Variants in DCBLD2 observed in about 807,000 individuals in gnomAD.
DCBLD2 encodes discoidin, CUB and LCCL domain containing 2.
In DCBLD2, 54 loss-of-function variants were observed where a neutral mutation model predicts 86.8. The observed-to-expected ratio is 0.62, with a 90% CI of 0.50 to 0.78. DCBLD2 has a LOEUF of 0.78. Among genes scored for constraint, DCBLD2 ranks in the 30% least tolerant of loss-of-function variants. DCBLD2 has a pLI of 0.00. For synonymous variants in DCBLD2, 354 were observed against 341.3 expected (o/e 1.04, Z -0.41); for missense variants, 908 against 954.2 (o/e 0.95, Z 0.64).
intron 12 of DCBLD2, among the ~76,000 whole-genome samples, chr3:98,808,595 AAT>A (rs1238300389): frequency 1.3e-5 from 2 of 152,220 alleles, no homozygotes; most frequent in African/African-American, 4.8e-5. Flanking sequence ...GTAACCATTA[AAT>A]ATGTTAACTT....
Position 98,812,442 on chromosome 3 carries a change from T to C in DCBLD2, c.1253A>G (p.Asn418Ser). The C allele has an allele frequency of 6.2e-7, 1 of 1,613,414 alleles. No homozygotes were observed. The highest frequency in any genetic ancestry group is 8.5e-7 in the Non-Finnish European group (1 of 1,179,594). ...TGCAATAATTGGTGGCAAAAAGTTA[T>C]TACGCACATCCTGGTGATAATCTTT... Reference protein sequence around the residue: ...GNKDYHQDVRNNFLPPIIARF... With the variant: ...GNKDYHQDVRSNFLPPIIARF... The change falls in exon 10 of 16, where the codon AAT (asparagine) becomes AGT (serine). Residue 418 changes from asparagine (N) to serine (S), a missense_variant. Physicochemically the swap from Asn to Ser is conservative, Grantham distance 46. Around this residue, in one of 3 missense-constraint regions of DCBLD2, gnomAD observed 606 missense variants for 678.5 expected, o/e 0.89. Transcript: ENST00000326840.
chr3:98,866,644 C>T (rs1943151561), intron 2 of DCBLD2, among the ~76,000 whole-genome samples: 1 of 152,112 alleles, frequency 6.6e-6, no homozygotes, highest in Non-Finnish European at 1.5e-5. Context: ...AATTTTCTCC[C>T]ATTCTGTAGG....
chr3:98,835,579 C>G (rs1286120856), intron 3 of DCBLD2, among the ~76,000 whole-genome samples: 1 of 137,236 alleles, frequency 7.3e-6, no homozygotes, highest in Non-Finnish European at 1.6e-5. Flanking sequence ...GACAGAGTTT[C>G]TTTTTTGTTG....
At position 98,796,019 on chromosome 3, in the gene DCBLD2, A is replaced by G. The variant is rs1005264094; in HGVS notation, c.*3353T>C. On this transcript the variant is annotated 3_prime_UTR_variant, in exon 16 of 16. Transcript: ENST00000326840. ...CCTCAAGGTTGTTTTATTTAAACCA[A>G]ATAATCTGAGCAAGACATATATACA... The G allele has an allele frequency of 1.3e-5, 2 of 152,646 alleles. No individual in the cohort carries two copies. The highest frequency in any genetic ancestry group is 2.4e-5 in the African/African-American group (1 of 41,462). 9.5% of individuals were successfully genotyped at this position (152,646 alleles called of 1,614,324 possible).
chr3:98,860,520 G>T (rs1017364569), intron 2 of DCBLD2, among the ~76,000 whole-genome samples: 1 of 152,210 alleles, frequency 6.6e-6, no homozygotes, highest in Non-Finnish European at 1.5e-5. Context: ...ACTAACAGCA[G>T]ATCTTTCAGG....
At chr3:98,877,813 A>G (rs1943396709) in intron 2 of DCBLD2, among the ~76,000 whole-genome samples, 1 of 152,136 alleles carries the variant, frequency 6.6e-6, no homozygotes, top group African/African-American at 2.4e-5. Context: ...GCCAGAATAT[A>G]AAGAGGTACT....
intron 9 of DCBLD2, chr3:98,813,101 T>C (rs1363513529): frequency 1.3e-5 from 2 of 152,240 alleles, no homozygotes; most frequent in Non-Finnish European, 2.9e-5. Flanking sequence ...AAATTATTAA[T>C]TATTTTTAGA....
chr3:98,870,758 A>AAAAGAAAGAAAGAAAGG lies in DCBLD2; in HGVS notation c.433+10781_433+10782insCCTTTCTTTCTTTCTTT, dbSNP rs1559794504. On this transcript the variant is annotated intron_variant, in intron 2 of 15. Coordinates refer to ENST00000326840, the MANE Select transcript of DCBLD2 (RefSeq NM_080927.4). The stretch of plus-strand genomic sequence containing the variant: ...AAGAAAAAGAAAGAAAGAAAGAAAG[A>AAAAGAAAGAAAGAAAGG]AAGAAAGAAAGAAAGAAAGAAAGAA... Among the ~76,000 whole-genome samples, 9 of 52,508 alleles carry AAAAGAAAGAAAGAAAGG rather than the reference A, an allele frequency of 1.7e-4. No individual in the cohort carries two copies. In the South Asian group the frequency reaches 3.0e-3, roughly 18 times the overall value. The allele number at this position is 52,508 out of a possible 152,430, so 34.4% of individuals were successfully genotyped here.
rs559865036 is a variant in DCBLD2, at chr3:98,810,392, T to C, written c.1576+802A>G. On this transcript the variant is annotated intron_variant, in intron 12 of 15. Transcript: ENST00000326840. The stretch of plus-strand genomic sequence containing the variant: ...ACATGGGGAAAGTCAGAGAAAGTTA[T>C]CTGAATCCAGGCAAACTTTCAAAAA... Among the ~76,000 whole-genome samples, 16 of 152,348 alleles carry C rather than the reference T, an allele frequency of 1.1e-4. No individual in the cohort carries two copies. In the East Asian group the frequency reaches 3.1e-3, roughly 29 times the overall value.
intron 3 of DCBLD2, among the ~76,000 whole-genome samples, chr3:98,831,095 C>G (rs1235437314): frequency 6.7e-6 from 1 of 149,104 alleles, no homozygotes; most frequent in Non-Finnish European, 1.5e-5. Flanking sequence ...GAGATGGAGT[C>G]TTGCTCTGTT....
At chr3:98,851,871 CAGCT>C (rs1314029437) in intron 2 of DCBLD2, among the ~76,000 whole-genome samples, 13 of 152,232 alleles carry the variant, frequency 8.5e-5, no homozygotes, top group African/African-American at 3.1e-4. Flanking sequence ...GAAAACTGGC[CAGCT>C]AGCCATATGC....
chr3:98,837,893 A>C (rs1942504064), intron 3 of DCBLD2, among the ~76,000 whole-genome samples: 2 of 120,530 alleles, frequency 1.7e-5, no homozygotes, highest in South Asian at 3.1e-4. Flanking sequence ...TCCCTCCCGG[A>C]TGGGGCGGCT....
rs1364512319 is a variant in DCBLD2 at position 98,795,971 on chromosome 3, A to G, written c.*3401T>C. On this transcript the variant is annotated 3_prime_UTR_variant, in exon 16 of 16. Coordinates refer to ENST00000326840, the MANE Select transcript of DCBLD2 (RefSeq NM_080927.4). Reference sequence around the variant, plus strand: ...TTAAAATAGAAGAATCTGGCATTTTATAGTATAAGGAAAAGCTACAAACCT... The same window carrying G: ...TTAAAATAGAAGAATCTGGCATTTTGTAGTATAAGGAAAAGCTACAAACCT... 6.5e-6 allele frequency: 1 copy of G among 152,676 alleles called. No homozygotes were observed. Among genetic ancestry groups the G allele is most frequent in the Non-Finnish European group, 1.5e-5 (1 of 68,044 alleles). The allele number at this position is 152,676 out of a possible 1,614,324, so 9.5% of individuals were successfully genotyped here.
intron 3 of DCBLD2, among the ~76,000 whole-genome samples, chr3:98,832,053 C>T (rs1178242616): frequency 6.6e-6 from 1 of 152,082 alleles, no homozygotes; most frequent in East Asian, 1.9e-4. Context: ...TAAAGTCTCC[C>T]ACTATTATTG....
intron 2 of DCBLD2, among the ~76,000 whole-genome samples, chr3:98,868,062 C>CA (rs1468997073): frequency 6.6e-6 from 1 of 152,088 alleles, no homozygotes; most frequent in Non-Finnish European, 1.5e-5. Context: ...CTCAGCCTCC[C>CA]AAAGTTCTGG....
At chr3:98,857,748 G>A (rs949811329) in intron 2 of DCBLD2, among the ~76,000 whole-genome samples, 1 of 152,208 alleles carries the variant, frequency 6.6e-6, no homozygotes, top group Non-Finnish European at 1.5e-5. Context: ...AGATACAGTC[G>A]ATTGGTGCAT....
chr3:98,893,780 A>G (rs896352768), intron 1 of DCBLD2, among the ~76,000 whole-genome samples: 1 of 152,218 alleles, frequency 6.6e-6, no homozygotes, highest in East Asian at 1.9e-4. Flanking sequence ...TCCCCAATGT[A>G]GCAGTGCTCT....
intron 3 of DCBLD2, among the ~76,000 whole-genome samples, chr3:98,829,496 A>G (rs909150725): frequency 4.6e-5 from 7 of 152,224 alleles, no homozygotes; most frequent in East Asian, 1.9e-4. Flanking sequence ...CATGTGCTAC[A>G]TTTAACTGCC....
intron 2 of DCBLD2, among the ~76,000 whole-genome samples, chr3:98,879,781 T>C (rs1022549881): frequency 2.0e-5 from 3 of 152,208 alleles, no homozygotes; most frequent in African/African-American, 7.2e-5. Flanking sequence ...AAATGCTATG[T>C]ATATGTTGAA....
Sources: gnomAD v4.1 joint callset for allele counts (sites outside exome capture counted in the v4.1 genomes callset) on GRCh38, gnomAD v4.1.1 for gene constraint, gnomAD v4.1.1 regional missense constraint, MANE v1.5 for transcripts, NCBI Gene and HGNC (gene_info 2026-07-23, HGNC 2026-07-21) for gene names.